Variants in KIRREL3 observed in about 807,000 individuals in gnomAD.
The protein encoded by KIRREL3 is kin of IRRE-like protein 3.
In KIRREL3, 36 loss-of-function variants were observed where a neutral mutation model predicts 89.7. The ratio of observed to expected loss-of-function variants is 0.40; its 90% CI spans 0.31 to 0.53. The LOEUF (loss-of-function observed/expected upper bound fraction) is 0.53, where lower values mean the gene tolerates loss of function less well. Ranked by LOEUF, KIRREL3 falls within the 20% of genes least tolerant of loss-of-function variation. The probability of loss-of-function intolerance (pLI) is 0.49; values close to 1 mark genes in which losing one functional copy is unlikely to be tolerated. For synonymous variants in KIRREL3, 445 were observed against 441.4 expected (o/e 1.01, Z -0.10); for missense variants, 864 against 1,056.6 (o/e 0.82, Z 2.53).
Position 126,476,877 on chromosome 11 carries a change from G to A in KIRREL3, c.434-3411C>T, listed in dbSNP as rs1045830233. The stretch of plus-strand genomic sequence containing the variant: ...GAGATGTATTATTCATCACCCCCTC[G>A]CAGGATTGGTTATTATCCTCAACCA... On this transcript the variant is annotated intron_variant, in intron 4 of 16. Transcript: ENST00000525144. This position sits in a 1 kb window ranked among gnomAD's most constrained non-coding sequence, Gnocchi z 6.4. Among the ~76,000 whole-genome samples the A allele has an allele frequency of 1.3e-5, 2 of 152,224 alleles. No homozygotes were observed. The highest frequency in any genetic ancestry group is 1.3e-4 in the Admixed American group (2 of 15,286).
At chr11:126,511,751 G>A (rs1407025667) in intron 4 of KIRREL3, among the ~76,000 whole-genome samples, 1 of 152,248 alleles carries the variant, frequency 6.6e-6, no homozygotes, top group Non-Finnish European at 1.5e-5. Context: ...CTGCCGGGGG[G>A]AAGGCTTCCA....
chr11:126,932,534 G>A (rs964029038), intron 1 of KIRREL3, among the ~76,000 whole-genome samples: 2 of 152,272 alleles, frequency 1.3e-5, no homozygotes, highest in Non-Finnish European at 2.9e-5. Flanking sequence ...AAGGTTTTCG[G>A]CCCATACAGA....
At chr11:126,602,510 G>A (rs1164280052) in intron 1 of KIRREL3, among the ~76,000 whole-genome samples, 1 of 152,216 alleles carries the variant, frequency 6.6e-6, no homozygotes, top group African/African-American at 2.4e-5. Context: ...CCTGACAGAT[G>A]AGGGAGAGGC....
chr11:126,818,047 C>T (rs1374387482), intron 1 of KIRREL3, among the ~76,000 whole-genome samples: 20 of 152,198 alleles, frequency 1.3e-4, no homozygotes, highest in South Asian at 2.1e-4. Context: ...GTATTAGGAA[C>T]GTTTCGAGGA....
rs1243506706 is a variant in KIRREL3, at chr11:126,708,169, G to A, written c.56-145257C>T. ...TGTGAAAGGACTCCCTGGTCAGGCGGTATTCATGCCGCCTGGAAACTCATC... is the reference window on the plus strand; with the variant it reads ...TGTGAAAGGACTCCCTGGTCAGGCGATATTCATGCCGCCTGGAAACTCATC... On this transcript the variant is annotated intron_variant, in intron 1 of 16. Coordinates refer to ENST00000525144, the MANE Select transcript of KIRREL3 (RefSeq NM_032531.4). This position sits in a 1 kb window ranked among gnomAD's most constrained non-coding sequence, Gnocchi z 5.7. Among the ~76,000 whole-genome samples the A allele has an allele frequency of 1.3e-5, 2 of 152,154 alleles. No individual in the cohort carries two copies. Among genetic ancestry groups the A allele is most frequent in the African/African-American group, 2.4e-5 (1 of 41,426 alleles).
chr11:126,767,286 G>A (rs1305936426), intron 1 of KIRREL3, among the ~76,000 whole-genome samples: 1 of 152,214 alleles, frequency 6.6e-6, no homozygotes, highest in Non-Finnish European at 1.5e-5. Context: ...AATCTGACAG[G>A]AGGGAGCTGG....
intron 1 of KIRREL3, among the ~76,000 whole-genome samples, chr11:126,799,651 A>G (rs1298416866): frequency 6.6e-6 from 1 of 152,142 alleles, no homozygotes; most frequent in Non-Finnish European, 1.5e-5. Context: ...TCCTTAGAGC[A>G]GGGAGCCAGG....
chr11:126,702,423 T>C (rs1189015415), intron 1 of KIRREL3, among the ~76,000 whole-genome samples: 1 of 151,774 alleles, frequency 6.6e-6, no homozygotes, highest in African/African-American at 2.4e-5. Flanking sequence ...AGGTGGGCAT[T>C]AGCCACACTG....
intron 1 of KIRREL3, among the ~76,000 whole-genome samples, chr11:126,753,480 T>C (rs1949402125): frequency 6.6e-6 from 1 of 152,210 alleles, no homozygotes; most frequent in Non-Finnish European, 1.5e-5. Flanking sequence ...TTGGATTGCA[T>C]GGTGATTTTT....
chr11:126,837,766 C>T lies in KIRREL3; in HGVS notation c.55+162689G>A, dbSNP rs976796457. Among the ~76,000 whole-genome samples the T allele has an allele frequency of 6.6e-6, 1 of 152,204 alleles. No homozygotes were observed. Among genetic ancestry groups the T allele is most frequent in the Non-Finnish European group, 1.5e-5 (1 of 68,044 alleles). On this transcript the variant is annotated intron_variant, in intron 1 of 16. Transcript: ENST00000525144. The surrounding 1 kb of genome is among the most constrained non-coding windows in gnomAD (Gnocchi z 4.7). ...AAGGTGATTTTGTCAAAGCATAACA[C>T]TACCTCTCACAATGGAAGCTTTGTT...
chr11:126,597,569 C>CT (rs1321112475), intron 1 of KIRREL3, among the ~76,000 whole-genome samples: 1 of 152,154 alleles, frequency 6.6e-6, no homozygotes, highest in Non-Finnish European at 1.5e-5. Context: ...CTGTCACATT[C>CT]TTTTGCCGTC....
At chr11:126,919,007 A>G (rs951346348) in intron 1 of KIRREL3, among the ~76,000 whole-genome samples, 3 of 149,546 alleles carry the variant, frequency 2.0e-5, no homozygotes, top group African/African-American at 4.9e-5. Context: ...TATTATATAT[A>G]TGTATATATG....
intron 1 of KIRREL3, among the ~76,000 whole-genome samples, chr11:126,961,952 G>A (rs1339255503): frequency 1.3e-5 from 2 of 152,218 alleles, no homozygotes; most frequent in Admixed American, 6.5e-5. Flanking sequence ...TCTGCTTACA[G>A]GTTAGTTTAC....
rs554178590 is a variant in KIRREL3 at position 126,969,127 on chromosome 11, G to A, written c.55+31328C>T. Among the ~76,000 whole-genome samples, 3 of 152,312 alleles carry A rather than the reference G, an allele frequency of 2.0e-5. No individual in the cohort carries two copies. The South Asian group carries it at 6.2e-4, about 32-fold the overall frequency. On this transcript the variant is annotated intron_variant, in intron 1 of 16. Transcript: ENST00000525144. The surrounding 1 kb of genome is among the most constrained non-coding windows in gnomAD (Gnocchi z 4.9). ...GCACAGTCATCTCCTGCTCAAGACAGAGGAGGGCGCTCAGGGGCCAATCAA... is the reference window on the plus strand; with the variant it reads ...GCACAGTCATCTCCTGCTCAAGACAAAGGAGGGCGCTCAGGGGCCAATCAA...
At position 126,729,425 on chromosome 11, in the gene KIRREL3, G is replaced by A. The variant is rs1333113587; in HGVS notation, c.56-166513C>T. Among the ~76,000 whole-genome samples, 2 of 152,204 alleles carry A rather than the reference G, an allele frequency of 1.3e-5. No homozygotes were observed. The highest frequency in any genetic ancestry group is 4.8e-5 in the African/African-American group (2 of 41,458). ...TAGGGACATATTGCAGGAGAGACAG[G>A]AAATTGAAATTGGCGCCATTCTTCT... On this transcript the variant is annotated intron_variant, in intron 1 of 16. Coordinates refer to ENST00000525144, the MANE Select transcript of KIRREL3 (RefSeq NM_032531.4). The surrounding 1 kb of genome is among the most constrained non-coding windows in gnomAD (Gnocchi z 4.5).
intron 1 of KIRREL3, among the ~76,000 whole-genome samples, chr11:126,631,137 A>C (rs944415243): frequency 6.6e-6 from 1 of 150,392 alleles, no homozygotes; most frequent in East Asian, 1.9e-4. Context: ...TCATTCATTC[A>C]TTCATTCATT....
intron 1 of KIRREL3, among the ~76,000 whole-genome samples, chr11:126,693,291 C>T (rs980559893): frequency 3.9e-5 from 6 of 152,094 alleles, no homozygotes; most frequent in South Asian, 2.1e-4. Context: ...CGTGGTGGCG[C>T]GCACCTGTAA....
intron 1 of KIRREL3, among the ~76,000 whole-genome samples, chr11:126,839,668 G>A (rs189161486): frequency 6.6e-6 from 1 of 152,316 alleles, no homozygotes; most frequent in East Asian, 1.9e-4. Context: ...CGAGGCCATT[G>A]TGTGAAGGTC....
rs908933062 is a variant in KIRREL3, at chr11:126,709,533, G to A, written c.56-146621C>T. ...ACTTCAGAATGTGTCTATATTTGGA[G>A]ATAGGGTCTTTAAAAAGGTGATTAA... On this transcript the variant is annotated intron_variant, in intron 1 of 16. Coordinates refer to ENST00000525144, the MANE Select transcript of KIRREL3 (RefSeq NM_032531.4). This position sits in a 1 kb window ranked among gnomAD's most constrained non-coding sequence, Gnocchi z 4.0. Among the ~76,000 whole-genome samples the A allele has an allele frequency of 1.4e-4, 22 of 152,216 alleles. No homozygotes were observed. The highest frequency in any genetic ancestry group is 5.3e-4 in the African/African-American group (22 of 41,450).
Sources: allele counts gnomAD v4.1 joint callset (sites outside exome capture counted in the v4.1 genomes callset), GRCh38; gene constraint gnomAD v4.1.1; non-coding constraint Gnocchi (gnomAD v3.1); transcripts MANE v1.5; gene names NCBI Gene and HGNC (gene_info 2026-07-23, HGNC 2026-07-21).